The following AFF3 variants were observed in gnomAD, a reference collection of about 807,000 sequenced individuals.
AFF3 encodes AF4/FMR2 family member 3.
In AFF3, 32 loss-of-function variants were observed where a neutral mutation model predicts 129.7. The ratio of observed to expected loss-of-function variants is 0.25; its 90% confidence interval spans 0.19 to 0.33. AFF3 has a LOEUF of 0.33. AFF3 is among the 10% of genes least tolerant of loss of function. The pLI, the probability that AFF3 is intolerant of heterozygous loss-of-function variation, is 1.00. For synonymous variants in AFF3, 644 were observed against 635.4 expected (o/e 1.01, Z -0.20); for missense variants, 1,373 against 1,592.0 (o/e 0.86, Z 2.34).
intron 7 of AFF3, among the ~76,000 whole-genome samples, chr2:99,985,450 C>T (rs1559033486): frequency 6.6e-6 from 1 of 152,070 alleles, no homozygotes; most frequent in African/African-American, 2.4e-5. Flanking sequence ...ATGGCACATG[C>T]AGTAAAAGGA....
chr2:99,996,517 C>A (rs1456180557), intron 7 of AFF3, among the ~76,000 whole-genome samples: 1 of 149,036 alleles, frequency 6.7e-6, no homozygotes, highest in African/African-American at 2.5e-5. Context: ...CCTGCCACCA[C>A]GCCCGGCTAA....
At chr2:99,633,975 C>T (rs1683377265) in intron 13 of AFF3, among the ~76,000 whole-genome samples, 1 of 138,148 alleles carries the variant, frequency 7.2e-6, no homozygotes, top group African/African-American at 2.8e-5. Flanking sequence ...AGTGCAGTGG[C>T]ATGATCTCAG....
At chr2:99,855,525 C>A (rs1010308628) in intron 7 of AFF3, among the ~76,000 whole-genome samples, 5 of 152,052 alleles carry the variant, frequency 3.3e-5, no homozygotes, top group East Asian at 1.9e-4. Flanking sequence ...ATAGAAAGAA[C>A]TTCTAATGGC....
intron 13 of AFF3, among the ~76,000 whole-genome samples, chr2:99,621,116 G>A (rs1301852710): frequency 6.6e-6 from 1 of 152,146 alleles, no homozygotes; most frequent in Non-Finnish European, 1.5e-5. Context: ...TTTCCAACTA[G>A]AAGCTGTGTT....
At chr2:99,602,639 C>T (rs185912650) in intron 13 of AFF3, among the ~76,000 whole-genome samples, 37 of 152,244 alleles carry the variant, frequency 2.4e-4, no homozygotes, top group Admixed American at 2.1e-3. Flanking sequence ...CCAAAAATGC[C>T]GGTCACTCTT....
chr2:99,846,207 G>A (rs1228550995), intron 7 of AFF3, among the ~76,000 whole-genome samples: 1 of 151,972 alleles, frequency 6.6e-6, no homozygotes, highest in Non-Finnish European at 1.5e-5. Flanking sequence ...TTGGCTCACT[G>A]CAACCTCCAC....
chr2:99,750,913 T>C (rs1681593041), intron 9 of AFF3, among the ~76,000 whole-genome samples: 1 of 152,238 alleles, frequency 6.6e-6, no homozygotes, highest in Non-Finnish European at 1.5e-5. Context: ...TTATACAAAA[T>C]ATTTTGCTGC....
intron 8 of AFF3, among the ~76,000 whole-genome samples, chr2:99,766,492 C>A (rs1252233660): frequency 6.6e-6 from 1 of 152,218 alleles, no homozygotes; most frequent in Non-Finnish European, 1.5e-5. Flanking sequence ...CAGATATTGA[C>A]AGTAAAATCC....
chr2:99,809,346 G>C (rs141770581), intron 8 of AFF3, among the ~76,000 whole-genome samples: 2 of 152,200 alleles, frequency 1.3e-5, no homozygotes, highest in Admixed American at 1.3e-4. Context: ...CCCTCAACGC[G>C]GGGGGCTGGC....
rs796749913 is a variant in AFF3 at position 99,580,109 on chromosome 2, G to A, written c.2794-1658C>T. 1.5e-4 allele frequency among the ~76,000 whole-genome samples: 23 copies of A among 152,192 alleles called. No homozygotes were observed. In the South Asian group the frequency reaches 3.5e-3, roughly 23 times the overall value. ...GTGGCCCCTCAGCCATTCTTTGCCTGTGGCCTCTGTTCCCCAGATTCATGA... is the reference window on the plus strand; with the variant it reads ...GTGGCCCCTCAGCCATTCTTTGCCTATGGCCTCTGTTCCCCAGATTCATGA... On this transcript the variant is annotated intron_variant, in intron 17 of 24. Coordinates refer to ENST00000672756, the MANE Select transcript of AFF3 (RefSeq NM_001386135.1).
At chr2:100,104,010 C>CCCT (rs1559126965) in intron 4 of AFF3, among the ~76,000 whole-genome samples, 6 of 150,572 alleles carry the variant, frequency 4.0e-5, no homozygotes, top group African/African-American at 1.2e-4. Context: ...TGGTGCCAGC[C>CCCT]GGAGGAGGGA....
At chr2:100,137,014 C>T (rs920294007) in intron 1 of AFF3, among the ~76,000 whole-genome samples, 1 of 152,052 alleles carries the variant, frequency 6.6e-6, no homozygotes, top group African/African-American at 2.4e-5. Flanking sequence ...TTCTTACTGA[C>T]CTTTTTCTTT....
At chr2:99,836,908 C>A (rs1688922049) in intron 8 of AFF3, among the ~76,000 whole-genome samples, 1 of 152,140 alleles carries the variant, frequency 6.6e-6, no homozygotes, top group Non-Finnish European at 1.5e-5. Flanking sequence ...TGTGGTGGAA[C>A]AGCCCAACCT....
At chr2:100,076,601 T>A (rs1383189905) in intron 4 of AFF3, among the ~76,000 whole-genome samples, 1 of 152,140 alleles carries the variant, frequency 6.6e-6, no homozygotes, top group Non-Finnish European at 1.5e-5. Context: ...AACAGCACAC[T>A]CTGCTTCTGA....
chr2:100,053,552 A>G (rs1686524248), intron 4 of AFF3, among the ~76,000 whole-genome samples: 1 of 152,242 alleles, frequency 6.6e-6, no homozygotes, highest in Non-Finnish European at 1.5e-5. Flanking sequence ...TATAAGAAGC[A>G]CCTAGAATCA....
At chr2:99,681,895 C>T (rs905749184) in intron 11 of AFF3, among the ~76,000 whole-genome samples, 3 of 146,802 alleles carry the variant, frequency 2.0e-5, no homozygotes, top group Admixed American at 7.1e-5. Flanking sequence ...TTGAGAACCA[C>T]TGCCTTAATT....
chr2:100,109,028 A>G (rs1403795316), intron 2 of AFF3, among the ~76,000 whole-genome samples: 2 of 142,168 alleles, frequency 1.4e-5, no homozygotes, highest in Non-Finnish European at 3.0e-5. Context: ...TCACTATGAC[A>G]TTAATTAGAT....
chr2:99,693,865 T>C (rs1675915894), intron 11 of AFF3, among the ~76,000 whole-genome samples: 1 of 152,160 alleles, frequency 6.6e-6, no homozygotes, highest in Non-Finnish European at 1.5e-5. Context: ...TGTTAAGTTA[T>C]CCCATCTAAA....
In AFF3 at chr2:99,692,566, G is replaced by A. The variant is rs139121888; in HGVS notation, c.1092-19977C>T. 4.3e-3 allele frequency among the ~76,000 whole-genome samples: 660 copies of A among 152,138 alleles called. 4 individuals are homozygous for A. Among genetic ancestry groups the A allele is most frequent in the African/African-American group, 0.015 (624 of 41,508 alleles). ...CCTCATCCCATGGTGCTGCATGCTG[G>A]GCTCCCACCTGCAATGCCTGGCCTC... is the stretch of plus-strand genomic sequence containing the variant. On this transcript the variant is annotated intron_variant, in intron 11 of 24. Coordinates refer to ENST00000672756, the MANE Select transcript of AFF3 (RefSeq NM_001386135.1).
Sources: gnomAD v4.1 joint callset for allele counts (sites outside exome capture counted in the v4.1 genomes callset) on GRCh38, gnomAD v4.1.1 for gene constraint, MANE v1.5 for transcripts, NCBI Gene and HGNC (gene_info 2026-07-23, HGNC 2026-07-21) for gene names.